The following RALY variants were observed in gnomAD, a reference collection of about 807,000 sequenced individuals.
RALY encodes RNA-binding protein Raly.
Under a neutral mutation model 30.7 loss-of-function variants are expected in RALY, and 15 were observed. That is an observed-to-expected ratio of 0.49 (90% confidence interval 0.33 to 0.75). The LOEUF is 0.75. Among genes scored for constraint, RALY ranks in the 30% least tolerant of loss-of-function variants. The pLI, the probability that RALY is intolerant of heterozygous loss-of-function variation, is 0.02. For synonymous variants in RALY, 177 were observed against 170.8 expected, an observed-to-expected ratio of 1.04 and a Z score of -0.28; for missense variants, 339 against 414.3, an observed-to-expected ratio of 0.82 and a Z score of 1.58.
intron 2 of RALY, among the ~76,000 whole-genome samples, chr20:34,059,630 AAGG>A (rs2033357669): frequency 6.6e-6 from 1 of 152,252 alleles, no homozygotes; most frequent in African/African-American, 2.4e-5. Context: ...CTCTACAGGC[AAGG>A]AGAAATCCAA....
chr20:34,079,140 G>A (rs889884199), intron 9 of RALY, among the ~76,000 whole-genome samples: 1 of 152,206 alleles, frequency 6.6e-6, no homozygotes, highest in Non-Finnish European at 1.5e-5. Flanking sequence ...TAGGGGCTGG[G>A]ATTTGATTCT....
chr20:34,076,970 C>T, intron 7 of RALY, 58 bp from the exon 8 acceptor site: 21 of 1,608,966 alleles, frequency 1.3e-5, no homozygotes, highest in Non-Finnish European at 1.8e-5. Flanking sequence ...AGGTGCTGCC[C>T]TAGACAGCTA....
Position 34,081,184 on chromosome 20 carries a change from G to C in RALY, c.*1279G>C, listed in dbSNP as rs189922152. On this transcript the variant is annotated 3_prime_UTR_variant, in exon 10 of 10. Coordinates refer to ENST00000246194, the MANE Select transcript of RALY (RefSeq NM_016732.3). ...AATTTTTTTTCCTAATCACTCATAG[G>C]TTACAAGTACCTACCCTGGTCCAGT... is the stretch of plus-strand genomic sequence containing the variant. 2 of 151,858 alleles carry C rather than the reference G, an allele frequency of 1.3e-5. No homozygotes were observed. The highest frequency in any genetic ancestry group is 6.6e-5 in the Admixed American group (1 of 15,242). The allele number at this position is 151,858 out of a possible 1,614,324, so 9.4% of individuals were successfully genotyped here. A position where few individuals can be genotyped will look rare whatever the true frequency, so the allele number is the denominator to read the frequency against.
chr20:34,031,726 G>A (rs2032285878), intron 2 of RALY, 122 bp downstream of exon 2: 1 of 152,204 alleles, frequency 6.6e-6, no homozygotes, highest in African/African-American at 2.4e-5. Flanking sequence ...CCTACTCCAT[G>A]TCTAAAAGAT....
intron 1 of RALY, among the ~76,000 whole-genome samples, chr20:34,024,935 C>T (rs1040526145): frequency 9.9e-5 from 15 of 152,138 alleles, no homozygotes; most frequent in Admixed American, 7.9e-4. Context: ...ATAAGCAAGC[C>T]TTACAGAAGG....
intron 8 of RALY, 150 bp downstream of exon 8, chr20:34,077,395 G>A (rs1481225319): frequency 2.1e-5 from 31 of 1,507,870 alleles, no homozygotes; most frequent in Non-Finnish European, 2.8e-5. Context: ...GGGAAAGAGG[G>A]AAGAATGAGC....
At chr20:34,006,676 T>G (rs2031172570) in intron 1 of RALY, among the ~76,000 whole-genome samples, 1 of 152,234 alleles carries the variant, frequency 6.6e-6, no homozygotes, top group African/African-American at 2.4e-5. Flanking sequence ...GCACAAATCC[T>G]TATCATTATG....
chr20:34,057,606 A>G (rs2033287585), intron 2 of RALY, among the ~76,000 whole-genome samples: 1 of 150,870 alleles, frequency 6.6e-6, no homozygotes, highest in Admixed American at 6.6e-5. Flanking sequence ...GGCGGAGCTT[A>G]CAGTGAGCCG....
chr20:34,041,090 A>G (rs75064105), intron 2 of RALY, among the ~76,000 whole-genome samples: 2,314 of 152,338 alleles, frequency 0.015, 34 homozygotes, highest in Non-Finnish European at 0.026. Flanking sequence ...GTTAGAAGCT[A>G]TGTTTCCATC....
At chr20:34,014,030 G>A (rs1361859014) in intron 1 of RALY, among the ~76,000 whole-genome samples, 2 of 152,142 alleles carry the variant, frequency 1.3e-5, no homozygotes, top group Non-Finnish European at 2.9e-5. Context: ...AGCAGCAAAA[G>A]GTTAGTTTTA....
chr20:33,999,431 C>G (rs1441658762), intron 1 of RALY, among the ~76,000 whole-genome samples: 1 of 152,090 alleles, frequency 6.6e-6, no homozygotes, highest in Non-Finnish European at 1.5e-5. Context: ...ATGTTCCTGG[C>G]TAAACTGGAT....
At chr20:34,037,469 T>C (rs1372145945) in intron 2 of RALY, among the ~76,000 whole-genome samples, 1 of 152,172 alleles carries the variant, frequency 6.6e-6, no homozygotes, top group Non-Finnish European at 1.5e-5. Context: ...AACACCTCTT[T>C]TGCCTGTTAC....
At chr20:34,001,216 T>C (rs1414412841) in intron 1 of RALY, among the ~76,000 whole-genome samples, 1 of 152,068 alleles carries the variant, frequency 6.6e-6, no homozygotes, top group Non-Finnish European at 1.5e-5. Flanking sequence ...TATAAAAAAA[T>C]TACATTAAAA....
intron 1 of RALY, among the ~76,000 whole-genome samples, chr20:34,011,716 G>A (rs942474364): frequency 1.3e-5 from 2 of 152,142 alleles, no homozygotes; most frequent in African/African-American, 4.8e-5. Context: ...CCCTTGTTTT[G>A]CAGATGAAAC....
At chr20:34,047,861 GCAA>G (rs980887544) in intron 2 of RALY, among the ~76,000 whole-genome samples, 2 of 152,176 alleles carry the variant, frequency 1.3e-5, no homozygotes, top group Non-Finnish European at 2.9e-5. Flanking sequence ...GGAGATAGCA[GCAA>G]CGTCAGCACT....
intron 2 of RALY, among the ~76,000 whole-genome samples, chr20:34,040,433 A>G (rs747230815): frequency 6.6e-6 from 1 of 152,156 alleles, no homozygotes. Context: ...GCGCTCCATA[A>G]GCACTCCTGT....
intron 2 of RALY, among the ~76,000 whole-genome samples, chr20:34,050,010 C>T (rs1290745227): frequency 6.6e-6 from 1 of 152,152 alleles, no homozygotes; most frequent in Non-Finnish European, 1.5e-5. Flanking sequence ...CTTCTTCAGG[C>T]TGGACTCTAA....
intron 1 of RALY, among the ~76,000 whole-genome samples, chr20:33,998,191 G>A (rs535249924): frequency 6.6e-6 from 1 of 152,350 alleles, no homozygotes; most frequent in South Asian, 2.1e-4. Flanking sequence ...GGAAAGATAG[G>A]CAAGGAAACA....
chr20:34,058,635 C>T (rs911235603), intron 2 of RALY, among the ~76,000 whole-genome samples: 3 of 152,178 alleles, frequency 2.0e-5, no homozygotes, highest in East Asian at 1.9e-4. Flanking sequence ...ATGTTCTCTG[C>T]GCTAGGGTTT....
Sources: allele counts gnomAD v4.1 joint callset (sites outside exome capture counted in the v4.1 genomes callset), GRCh38; gene constraint gnomAD v4.1.1; transcripts MANE v1.5; gene names NCBI Gene and HGNC (gene_info 2026-07-23, HGNC 2026-07-21).